Variants in RANBP2 observed in about 807,000 individuals in gnomAD.
The protein encoded by RANBP2 is RAN binding protein 2.
RANBP2 carries 57 observed loss-of-function variants against 303.6 expected under a neutral mutation model. That is an observed-to-expected ratio of 0.19 (90% CI 0.15 to 0.23). RANBP2 has a LOEUF of 0.23. RANBP2 is among the 10% of genes least tolerant of loss of function. RANBP2 has a pLI of 1.00. For synonymous variants in RANBP2, 1,167 were observed against 1,301.5 expected, an observed-to-expected ratio of 0.90 and a Z score of 2.23; for missense variants, 3,138 against 3,780.8, an observed-to-expected ratio of 0.83 and a Z score of 4.46.
chr2:108,748,289 G>A (rs1298836311), intron 8 of RANBP2, among the ~76,000 whole-genome samples: 2 of 150,756 alleles, frequency 1.3e-5, no homozygotes, highest in Admixed American at 1.3e-4. Flanking sequence ...CTCACTGCAA[G>A]CTCCACCTCC....
chr2:109,306,859 G>A, the RANBP2 span, among the ~76,000 whole-genome samples: 1 of 152,234 alleles, frequency 6.6e-6, no homozygotes, highest in Non-Finnish European at 1.5e-5. Context: ...TAAGCTGCAG[G>A]AGAGCCAAAG....
chr2:109,043,027 G>T, the RANBP2 span, among the ~76,000 whole-genome samples: 2 of 152,146 alleles, frequency 1.3e-5, no homozygotes, highest in African/African-American at 4.8e-5. Context: ...TCTGAGTAAA[G>T]AAATGAAAGG....
the RANBP2 span, among the ~76,000 whole-genome samples, chr2:109,765,371 T>A: frequency 1.3e-5 from 2 of 150,336 alleles, 1 homozygote; most frequent in African/African-American, 4.9e-5. Flanking sequence ...TTTCCTGTCC[T>A]CTTTCTTTCT....
the RANBP2 span, chr2:108,906,206 G>T: frequency 8.1e-7 from 1 of 1,232,824 alleles, no homozygotes; most frequent in Non-Finnish European, 1.2e-6. Flanking sequence ...CTGGATGGGC[G>T]GCTTCCCTCA....
chr2:108,767,492 A>G lies in RANBP2; in HGVS notation c.6953A>G (p.Asp2318Gly). 1 of 1,611,942 alleles carries G rather than the reference A, an allele frequency of 6.2e-7. No individual in the cohort carries two copies. ...TTTGAACCTGTTGTTCCTTTACCTG[A>G]TCTAGTTGAAGTATCCAGTGGTGAG... is the stretch of plus-strand genomic sequence containing the variant. ...QYFEPVVPLP[D>G]LVEVSSGEEN... Residue 2318 changes from aspartate to glycine, a missense_variant, in exon 20 of 29, where the codon GAT (aspartate) becomes GGT (glycine). Physicochemically the swap from Asp to Gly is moderately conservative, Grantham distance 94 (BLOSUM62 -1). Around this residue, in one of 20 missense-constraint regions of RANBP2, gnomAD observed 92 missense variants for 211.0 expected, o/e 0.44. Coordinates refer to ENST00000283195, the MANE Select transcript of RANBP2 (RefSeq NM_006267.5).
the RANBP2 span, among the ~76,000 whole-genome samples, chr2:109,288,195 C>A: frequency 2.6e-5 from 4 of 152,318 alleles, no homozygotes; most frequent in South Asian, 8.3e-4. Context: ...TGCAGCCATT[C>A]AGAATAGGTG....
At chr2:109,278,010 C>CAA in the RANBP2 span, among the ~76,000 whole-genome samples, 24,837 of 81,224 alleles carry the variant, frequency 0.31, 3,796 homozygotes, top group Non-Finnish European at 0.42. Flanking sequence ...CTGTCTCTAA[C>CAA]AAAAAAAAAA....
At chr2:109,593,296 G>GT in the RANBP2 span, among the ~76,000 whole-genome samples, 121 of 152,102 alleles carry the variant, frequency 8.0e-4, no homozygotes, top group African/African-American at 2.9e-3. Flanking sequence ...TGCTGGATAG[G>GT]TATCTACATA....
At chr2:109,569,333 C>T in the RANBP2 span, among the ~76,000 whole-genome samples, 1 of 150,938 alleles carries the variant, frequency 6.6e-6, no homozygotes, top group Non-Finnish European at 1.5e-5. Context: ...CGGTAGGCTG[C>T]GGCAGAAGAA....
the RANBP2 span, among the ~76,000 whole-genome samples, chr2:109,513,098 A>C: frequency 6.6e-6 from 1 of 151,968 alleles, no homozygotes; most frequent in Non-Finnish European, 1.5e-5. Context: ...GTTCTGAGGC[A>C]CCCCATGCCA....
At chr2:109,610,028 GAC>G in the RANBP2 span, among the ~76,000 whole-genome samples, 1 of 151,760 alleles carries the variant, frequency 6.6e-6, no homozygotes, top group African/African-American at 2.4e-5. Flanking sequence ...GGGACAATAT[GAC>G]ACAGAGCAGA....
At chr2:109,388,166 T>C in the RANBP2 span, among the ~76,000 whole-genome samples, 2 of 152,188 alleles carry the variant, frequency 1.3e-5, no homozygotes, top group Non-Finnish European at 2.9e-5. Context: ...CTTATGTCCT[T>C]TTGGTTGAAA....
the RANBP2 span, among the ~76,000 whole-genome samples, chr2:109,480,594 G>A: frequency 6.6e-6 from 1 of 152,168 alleles, no homozygotes; most frequent in African/African-American, 2.4e-5. Flanking sequence ...AGGTCATCCC[G>A]AGCAGCCATG....
At chr2:109,697,848 T>C in the RANBP2 span, among the ~76,000 whole-genome samples, 1 of 144,548 alleles carries the variant, frequency 6.9e-6, no homozygotes, top group Admixed American at 6.7e-5. Context: ...TATTATGATG[T>C]TAGTCTAAAG....
chr2:109,130,120 A>G, the RANBP2 span: 2 of 1,297,578 alleles, frequency 1.5e-6, no homozygotes, highest in Non-Finnish European at 1.9e-6. Flanking sequence ...AAAGGTGAGT[A>G]TCTGTCTCGG....
the RANBP2 span, among the ~76,000 whole-genome samples, chr2:109,424,183 T>C: frequency 6.6e-6 from 1 of 152,182 alleles, no homozygotes; most frequent in Non-Finnish European, 1.5e-5. Flanking sequence ...GCCTGTCTGA[T>C]CCTCGGGGCT....
the RANBP2 span, among the ~76,000 whole-genome samples, chr2:109,078,247 G>A: frequency 3.4e-3 from 192 of 56,374 alleles, 13 homozygotes; most frequent in African/African-American, 0.011. Context: ...TATATAGCGT[G>A]TATATATATA....
At chr2:109,006,011 T>G in the RANBP2 span, among the ~76,000 whole-genome samples, 4 of 152,154 alleles carry the variant, frequency 2.6e-5, no homozygotes, top group Non-Finnish European at 5.9e-5. Context: ...CGTGAGAGGT[T>G]CCTACGGCCA....
At chr2:109,751,568 A>G in the RANBP2 span, among the ~76,000 whole-genome samples, 3 of 125,444 alleles carry the variant, frequency 2.4e-5, no homozygotes, top group Non-Finnish European at 5.4e-5. Context: ...AATTGTGTCT[A>G]CTAAAATAGC....
Sources: allele counts gnomAD v4.1 joint callset (sites outside exome capture counted in the v4.1 genomes callset), GRCh38; gene constraint gnomAD v4.1.1; regional missense constraint gnomAD v4.1.1; transcripts MANE v1.5; gene names NCBI Gene and HGNC (gene_info 2026-07-23, HGNC 2026-07-21).